Variants in RGS7 observed in about 807,000 individuals in gnomAD.
The protein encoded by RGS7 is regulator of G protein signaling 7, also known as regulator of G-protein signaling 7.
A neutral mutation model predicts 81.1 loss-of-function variants in RGS7; 27 were observed. The observed-to-expected ratio is 0.33, with a 90% CI of 0.25 to 0.46. The LOEUF (loss-of-function observed/expected upper bound fraction) is 0.46, where lower values mean the gene tolerates loss of function less well. RGS7 is among the 20% of genes least tolerant of loss of function. The pLI is 1.00. For synonymous variants in RGS7, 208 were observed against 207.7 expected (o/e 1.00, Z -0.01); for missense variants, 396 against 607.4 (o/e 0.65, Z 3.66).
chr1:241,311,154 A>C (rs999859350), intron 2 of RGS7, among the ~76,000 whole-genome samples: 1 of 152,216 alleles, frequency 6.6e-6, no homozygotes, highest in Admixed American at 6.5e-5. Context: ...AAGTATTGCT[A>C]CTGTTAGATA....
At chr1:240,931,104 T>A (rs560057617) in intron 5 of RGS7, among the ~76,000 whole-genome samples, 2 of 152,320 alleles carry the variant, frequency 1.3e-5, no homozygotes, top group East Asian at 3.9e-4. Context: ...TGAAAGAGTA[T>A]GTTCGGCAAG....
At position 241,088,053 on chromosome 1, in the gene RGS7, TATAC is replaced by T. The variant is rs755909664; in HGVS notation, c.175+10609_175+10612del. 5.7e-5 allele frequency among the ~76,000 whole-genome samples: 8 copies of T among 139,722 alleles called. 1 individual carries two copies. The highest frequency in any genetic ancestry group is 3.5e-4 in the Admixed American group (5 of 14,436). The allele number at this position is 139,722 out of a possible 152,430, so 91.7% of individuals were successfully genotyped here. ...ATATATATATACACACATATATATA[TATAC>T]ACACACACACATATATATATATACA... On this transcript the variant is annotated intron_variant, in intron 3 of 18. Transcript: ENST00000440928.
chr1:241,351,438 T>C (rs2341693), intron 2 of RGS7, among the ~76,000 whole-genome samples: 146,816 of 151,036 alleles, frequency 0.97, 71,488 homozygotes, highest in East Asian at 1. Flanking sequence ...AAAAAAAAAA[T>C]AGAATGGAGC....
chr1:241,024,647 T>C (rs993240099), intron 3 of RGS7, among the ~76,000 whole-genome samples: 1 of 152,130 alleles, frequency 6.6e-6, no homozygotes, highest in Non-Finnish European at 1.5e-5. Flanking sequence ...AATGGAAGAA[T>C]AAATTATGGA....
At chr1:241,061,356 A>G (rs1296990077) in intron 3 of RGS7, among the ~76,000 whole-genome samples, 1 of 152,246 alleles carries the variant, frequency 6.6e-6, no homozygotes, top group African/African-American at 2.4e-5. Flanking sequence ...GGATATCAGC[A>G]TAGCAGGACA....
chr1:241,169,431 C>A (rs1452882046), intron 2 of RGS7, among the ~76,000 whole-genome samples: 1 of 149,254 alleles, frequency 6.7e-6, no homozygotes. Context: ...GCAACCACTC[C>A]CTCCTGGGTG....
At chr1:241,090,260 A>C (rs1452734058) in intron 3 of RGS7, among the ~76,000 whole-genome samples, 1 of 152,130 alleles carries the variant, frequency 6.6e-6, no homozygotes, top group African/African-American at 2.4e-5. Context: ...TACATGGTCC[A>C]AGCTAAGCTG....
At chr1:241,326,156 A>T (rs1270127136) in intron 2 of RGS7, among the ~76,000 whole-genome samples, 1 of 152,170 alleles carries the variant, frequency 6.6e-6, no homozygotes, top group African/African-American at 2.4e-5. Context: ...GTCTCTAGGA[A>T]CTTCATCTCC....
chr1:240,779,364 A>G (rs1683575574), intron 18 of RGS7, among the ~76,000 whole-genome samples: 1 of 152,104 alleles, frequency 6.6e-6, no homozygotes, highest in Non-Finnish European at 1.5e-5. Context: ...CATTTTGGCC[A>G]GCCTGGTCCC....
chr1:241,206,289 C>T (rs370598449), intron 2 of RGS7, among the ~76,000 whole-genome samples: 7 of 145,746 alleles, frequency 4.8e-5, no homozygotes, highest in Admixed American at 6.9e-5. Flanking sequence ...GGTGCAGTGG[C>T]GCTCGGCTCA....
chr1:241,135,144 C>T, intron 2 of RGS7, among the ~76,000 whole-genome samples: 1 of 152,110 alleles, frequency 6.6e-6, no homozygotes, highest in East Asian at 1.9e-4. Flanking sequence ...CAGCATGTTG[C>T]GGCCGGGCGC....
chr1:240,980,783 T>G (rs1037834238), intron 4 of RGS7, among the ~76,000 whole-genome samples: 2 of 152,178 alleles, frequency 1.3e-5, no homozygotes, highest in African/African-American at 4.8e-5. Context: ...GGATTTTGTC[T>G]AGGGTGAATT....
intron 2 of RGS7, among the ~76,000 whole-genome samples, chr1:241,241,567 AGTGT>A (rs1248522869): frequency 2.0e-5 from 3 of 152,022 alleles, no homozygotes; most frequent in African/African-American, 7.2e-5. Context: ...GCCTCCTGGT[AGTGT>A]GTGATGATCA....
chr1:241,002,700 G>A (rs906811189), intron 3 of RGS7, among the ~76,000 whole-genome samples: 1 of 152,194 alleles, frequency 6.6e-6, no homozygotes, highest in Non-Finnish European at 1.5e-5. Flanking sequence ...CTTGGCATAT[G>A]ATAAGTGGTT....
At chr1:241,133,685 A>C (rs1205927542) in intron 2 of RGS7, among the ~76,000 whole-genome samples, 1 of 152,224 alleles carries the variant, frequency 6.6e-6, no homozygotes, top group African/African-American at 2.4e-5. Flanking sequence ...AAGGGTTTAG[A>C]AACATTGACA....
intron 18 of RGS7, among the ~76,000 whole-genome samples, chr1:240,794,202 A>T (rs1343160882): frequency 6.6e-6 from 1 of 152,010 alleles, no homozygotes; most frequent in Non-Finnish European, 1.5e-5. Flanking sequence ...CAACTTCATT[A>T]ATATATATAT....
chr1:240,871,676 T>C (rs1025760204), intron 6 of RGS7, among the ~76,000 whole-genome samples: 9 of 152,352 alleles, frequency 5.9e-5, no homozygotes, highest in African/African-American at 2.2e-4. Context: ...GAAGGATCTC[T>C]TACTATAGAC....
chr1:240,920,375 T>C, intron 6 of RGS7: 2 of 1,535,356 alleles, frequency 1.3e-6, no homozygotes, highest in Non-Finnish European at 1.8e-6. Flanking sequence ...GCAGTGGGGA[T>C]GGCTATAATG....
intron 2 of RGS7, among the ~76,000 whole-genome samples, chr1:241,240,523 A>T: frequency 6.6e-6 from 1 of 152,216 alleles, no homozygotes; most frequent in African/African-American, 2.4e-5. Flanking sequence ...ATTAGATCAA[A>T]CTAGGTTGCC....
Sources: allele counts gnomAD v4.1 joint callset (sites outside exome capture counted in the v4.1 genomes callset), GRCh38; gene constraint gnomAD v4.1.1; transcripts MANE v1.5; gene names NCBI Gene and HGNC (gene_info 2026-07-23, HGNC 2026-07-21).